Variants in RAD51B observed in about 807,000 individuals in gnomAD.
RAD51B encodes DNA repair protein RAD51 homolog 2.
A neutral mutation model predicts 42.2 loss-of-function variants in RAD51B; 38 were observed. That is an observed-to-expected ratio of 0.90 (90% CI 0.70 to 1.18). The LOEUF is 1.18. RAD51B is among the 50% of genes most tolerant of loss of function. RAD51B has a pLI of 0.00. For synonymous variants in RAD51B, 154 were observed against 145.2 expected, an observed-to-expected ratio of 1.06 and a Z score of -0.43; for missense variants, 373 against 400.7, an observed-to-expected ratio of 0.93 and a Z score of 0.59.
At chr14:68,235,911 A>G (rs2080246488) in intron 7 of RAD51B, among the ~76,000 whole-genome samples, 1 of 152,130 alleles carries the variant, frequency 6.6e-6, no homozygotes, top group African/African-American at 2.4e-5. Context: ...TTGCAGCAAC[A>G]TGGATGGAGC....
chr14:68,189,858 AT>A (rs2079228672), intron 7 of RAD51B, among the ~76,000 whole-genome samples: 1 of 151,886 alleles, frequency 6.6e-6, no homozygotes, highest in African/African-American at 2.4e-5. Flanking sequence ...TAGAGATTAG[AT>A]TTCACGATGT....
At chr14:68,466,108 G>T (rs1375860458) in intron 9 of RAD51B, among the ~76,000 whole-genome samples, 1 of 152,004 alleles carries the variant, frequency 6.6e-6, no homozygotes, top group Non-Finnish European at 1.5e-5. Context: ...TCTTCTCATT[G>T]GTTCTGAGAA....
At chr14:67,994,664 C>T (rs560721243) in intron 7 of RAD51B, among the ~76,000 whole-genome samples, 1 of 152,294 alleles carries the variant, frequency 6.6e-6, no homozygotes, top group South Asian at 2.1e-4. Flanking sequence ...AAGACTGTTG[C>T]TGCTGCCATT....
intron 7 of RAD51B, among the ~76,000 whole-genome samples, chr14:68,113,363 A>G (rs553917556): frequency 6.6e-6 from 1 of 152,276 alleles, no homozygotes; most frequent in South Asian, 2.1e-4. Flanking sequence ...TATAATTTGC[A>G]AATCATAAAG....
intron 7 of RAD51B, among the ~76,000 whole-genome samples, chr14:67,995,878 A>G (rs1038086889): frequency 2.6e-5 from 4 of 151,998 alleles, no homozygotes; most frequent in Admixed American, 6.5e-5. Context: ...TGGCCTCCCA[A>G]TGTGCTGGGA....
At chr14:68,421,264 G>A (rs998334674) in intron 9 of RAD51B, among the ~76,000 whole-genome samples, 1 of 152,098 alleles carries the variant, frequency 6.6e-6, no homozygotes, top group African/African-American at 2.4e-5. Context: ...GGTCCAGCTT[G>A]GAGCATTCGT....
At chr14:68,649,756 A>G (rs906472265) in intron 10 of RAD51B, among the ~76,000 whole-genome samples, 1 of 152,230 alleles carries the variant, frequency 6.6e-6, no homozygotes, top group Admixed American at 6.5e-5. Context: ...ATTTCCTCCA[A>G]TCACTGGGGG....
chr14:68,595,294 G>T (rs1014632231), exon 11 of RAD51B: 3 of 1,065,512 alleles, frequency 2.8e-6, no homozygotes, highest in South Asian at 4.6e-5. Context: ...AAGGCATTTC[G>T]CTTCCTTTGC....
At chr14:67,997,692 G>A (rs957801251) in intron 7 of RAD51B, among the ~76,000 whole-genome samples, 12 of 151,990 alleles carry the variant, frequency 7.9e-5, no homozygotes, top group Admixed American at 2.0e-4. Flanking sequence ...AATTTTTCAC[G>A]TACTGTCCTG....
At chr14:68,288,548 T>C (rs1397135199) in intron 7 of RAD51B, among the ~76,000 whole-genome samples, 1 of 152,222 alleles carries the variant, frequency 6.6e-6, no homozygotes, top group Non-Finnish European at 1.5e-5. Flanking sequence ...TTAGGTTCTG[T>C]AAGGTAGCAT....
chr14:68,489,366 T>A (rs1883895266), intron 10 of RAD51B, among the ~76,000 whole-genome samples: 1 of 152,208 alleles, frequency 6.6e-6, no homozygotes, highest in Non-Finnish European at 1.5e-5. Flanking sequence ...CTTTGTGATC[T>A]CAGGCAATTA....
chr14:68,428,735 A>G (rs1317490943), intron 9 of RAD51B, among the ~76,000 whole-genome samples: 6 of 33,048 alleles, frequency 1.8e-4, no homozygotes, highest in Non-Finnish European at 4.3e-4. Flanking sequence ...ATATATATAT[A>G]TATATATATA....
chr14:68,474,466 G>A (rs190904254), intron 10 of RAD51B, among the ~76,000 whole-genome samples: 246 of 152,232 alleles, frequency 1.6e-3, no homozygotes, highest in African/African-American at 5.8e-3. Context: ...TTTCCCTAAA[G>A]TTAACTATAT....
chr14:67,900,562 A>G (rs941794939), intron 7 of RAD51B, among the ~76,000 whole-genome samples: 2 of 149,554 alleles, frequency 1.3e-5, no homozygotes, highest in Non-Finnish European at 3.0e-5. Flanking sequence ...TAAAGTAGGT[A>G]TTTTAGACTC....
intron 11 of RAD51B, chr14:68,683,014 G>A (rs944939451): frequency 1.1e-6 from 1 of 944,294 alleles, no homozygotes; most frequent in South Asian, 5.0e-5. Context: ...AGCATATCCT[G>A]TCACAAAGGA....
chr14:68,453,230 G>A (rs1342016214), intron 9 of RAD51B, among the ~76,000 whole-genome samples: 1 of 152,180 alleles, frequency 6.6e-6, no homozygotes, highest in Non-Finnish European at 1.5e-5. Context: ...TTGAAATTAT[G>A]TCTGTATGAT....
In RAD51B at chr14:68,626,609, G is replaced by A. The variant is rs915384203; in HGVS notation, c.1037-24172G>A. 8.5e-5 allele frequency among the ~76,000 whole-genome samples: 13 copies of A among 152,298 alleles called. 1 individual carries two copies. In the Middle Eastern group the frequency reaches 0.01, roughly 120 times the overall value. On this transcript the variant is annotated intron_variant, in intron 10 of 11. Coordinates refer to the RAD51B transcript ENST00000488612. ...GAGAGCTCAGCTGGGGCTCTTGACTGCAGCAACTATTTCTGGCCTCACTCT... is the reference window on the plus strand; with the variant it reads ...GAGAGCTCAGCTGGGGCTCTTGACTACAGCAACTATTTCTGGCCTCACTCT...
chr14:68,606,478 T>C (rs1891451024), intron 10 of RAD51B, among the ~76,000 whole-genome samples: 1 of 152,198 alleles, frequency 6.6e-6, no homozygotes, highest in Non-Finnish European at 1.5e-5. Context: ...CACCATCTTG[T>C]TTTACAACCT....
intron 10 of RAD51B, among the ~76,000 whole-genome samples, chr14:68,637,718 A>T (rs1212319336): frequency 6.6e-6 from 1 of 152,224 alleles, no homozygotes; most frequent in East Asian, 1.9e-4. Flanking sequence ...GAAGCGTTTC[A>T]TCAGTGGGGA....
Sources: gnomAD v4.1 joint callset for allele counts (sites outside exome capture counted in the v4.1 genomes callset) on GRCh38, gnomAD v4.1.1 for gene constraint, MANE v1.5 for transcripts, NCBI Gene and HGNC (gene_info 2026-07-23, HGNC 2026-07-21) for gene names.